Variants in PLXNC1 observed in about 807,000 individuals in gnomAD.
The protein encoded by PLXNC1 is plexin C1, also known as plexin-C1.
PLXNC1 carries 75 observed loss-of-function variants against 178.2 expected under a neutral mutation model. The observed-to-expected ratio is 0.42, with a 90% CI of 0.35 to 0.51. PLXNC1 has a LOEUF of 0.51. Among genes scored for constraint, PLXNC1 ranks in the 20% least tolerant of loss-of-function variants. The pLI is 0.02. For synonymous variants in PLXNC1, 790 were observed against 779.9 expected (o/e 1.01, Z -0.22); for missense variants, 1,503 against 1,984.4 (o/e 0.76, Z 4.61).
intron 15 of PLXNC1, among the ~76,000 whole-genome samples, chr12:94,253,791 G>A (rs1279461642): frequency 2.6e-5 from 4 of 151,366 alleles, no homozygotes; most frequent in African/African-American, 2.4e-5. Context: ...CTCCCACCTC[G>A]GCCTCCCAAG....
chr12:94,298,554 A>G (rs1968157841), intron 26 of PLXNC1, 78 bp from the exon 27 acceptor site: 3 of 1,151,084 alleles, frequency 2.6e-6, no homozygotes, highest in African/African-American at 3.1e-5. Context: ...CTGAATGTGG[A>G]TTTGCTTTTG....
chr12:94,181,691 C>T (rs912925260), intron 3 of PLXNC1, 111 bp downstream of exon 3: 1 of 959,960 alleles, frequency 1.0e-6, no homozygotes, highest in African/African-American at 1.7e-5. Context: ...TAAGCAGTGC[C>T]CCAGGCTTTG....
At chr12:94,195,771 G>T (rs919972186) in intron 4 of PLXNC1, among the ~76,000 whole-genome samples, 1 of 152,156 alleles carries the variant, frequency 6.6e-6, no homozygotes, top group African/African-American at 2.4e-5. Context: ...TTTCTCGCTC[G>T]GTCTAACAGC....
chr12:94,233,806 T>C (rs1168020460), intron 9 of PLXNC1, among the ~76,000 whole-genome samples: 1 of 152,194 alleles, frequency 6.6e-6, no homozygotes, highest in African/African-American at 2.4e-5. Flanking sequence ...CTCCTTTTAC[T>C]CTTTCCCATT....
intron 18 of PLXNC1, 62 bp from the exon 19 acceptor site, chr12:94,259,548 T>G: frequency 7.6e-7 from 1 of 1,324,478 alleles, no homozygotes; most frequent in Non-Finnish European, 1.0e-6. Context: ...GTGGGTCTAC[T>G]TTCTAACTTT....
chr12:94,227,328 C>T, intron 9 of PLXNC1, 93 bp downstream of exon 9: 1 of 690,990 alleles, frequency 1.4e-6, no homozygotes, highest in Non-Finnish European at 2.5e-6. Context: ...TAAAAAAATT[C>T]TCTATTTTAC....
At position 94,224,244 on chromosome 12, in the gene PLXNC1, C is replaced by T. The variant is rs138808353; in HGVS notation, c.1719C>T (p.Asn573=). ...RATYKDVSVV[N]VMFSFGSWNL... is the part of the protein sequence containing the mutation. ...TCCCTCCAGATGTTTCAGTTGTCAA[C>T]GTGATGTTCTCCTTCGGTTCTTGGA... Residue 573 remains asparagine, a synonymous_variant, in exon 7 of 31, where the codon AAC becomes AAT. Coordinates refer to ENST00000258526, the MANE Select transcript of PLXNC1 (RefSeq NM_005761.3). 410 of 1,600,122 alleles carry T rather than the reference C, an allele frequency of 2.6e-4. 1 individual carries two copies. Among genetic ancestry groups the T allele is most frequent in the Non-Finnish European group, 3.1e-4 (361 of 1,167,244 alleles).
At chr12:94,283,422 C>T (rs1207615818) in intron 23 of PLXNC1, among the ~76,000 whole-genome samples, 1 of 152,208 alleles carries the variant, frequency 6.6e-6, no homozygotes, top group African/African-American at 2.4e-5. Context: ...GAAGTACTTA[C>T]ACCACACCAG....
intron 9 of PLXNC1, among the ~76,000 whole-genome samples, chr12:94,229,292 T>G (rs372966083): frequency 6.6e-6 from 1 of 152,222 alleles, no homozygotes; most frequent in African/African-American, 2.4e-5. Context: ...TCTTTATGTA[T>G]TCTGGGTATC....
In PLXNC1 at chr12:94,181,543, T is replaced by G; in HGVS notation, c.1301T>G (p.Val434Gly). The G allele has an allele frequency of 6.2e-7, 1 of 1,609,172 alleles. No homozygotes were observed. The highest frequency in any genetic ancestry group is 1.1e-5 in the South Asian group (1 of 90,842). ...PVFYKLVPDP[V>G]KNIYIYLTAG... ...TTCTACAAACTCGTTCCTGATCCTG[T>G]GAAGAATATCTACATTTATCTAACA... is the stretch of plus-strand genomic sequence containing the variant. Residue 434 changes from valine (V) to glycine (G), a missense_variant, in exon 3 of 31, where the codon GTG becomes GGG. Val to Gly is a moderately radical substitution (Grantham distance 109, BLOSUM62 -3). This residue lies in a region of PLXNC1 where 615 missense variants were observed against 698.6 expected (regional missense o/e 0.88). Coordinates refer to ENST00000258526, the MANE Select transcript of PLXNC1 (RefSeq NM_005761.3).
chr12:94,277,542 C>T (rs966915469), intron 21 of PLXNC1, among the ~76,000 whole-genome samples: 1 of 152,188 alleles, frequency 6.6e-6, no homozygotes, highest in Non-Finnish European at 1.5e-5. Flanking sequence ...AAGCGACATA[C>T]ACAGAGGTTA....
chr12:94,235,396 T>C (rs17241291), intron 9 of PLXNC1, among the ~76,000 whole-genome samples: 2,284 of 152,292 alleles, frequency 0.015, 31 homozygotes, highest in Non-Finnish European at 0.023. Context: ...AGAAGAAGCA[T>C]TTACTTGGCA....
rs889242495 is a variant in PLXNC1 at position 94,306,947 on chromosome 12, T to A, written c.*1662T>A. 2.6e-5 allele frequency: 4 copies of A among 152,158 alleles called. No homozygotes were observed. Among genetic ancestry groups the A allele is most frequent in the African/African-American group, 4.8e-5 (2 of 41,440 alleles). 9.4% of individuals were successfully genotyped at this position (152,158 alleles called of 1,614,324 possible). On this transcript the variant is annotated 3_prime_UTR_variant, in exon 31 of 31. Transcript: ENST00000258526. ...ATAAAGGTGAGAGGTCTGGTCCCCA[T>A]TGAAGGCTGCTACAGTCTTCAAAGA... is the stretch of plus-strand genomic sequence containing the variant.
At chr12:94,226,505 C>G in intron 7 of PLXNC1, 100 bp from the exon 8 acceptor site, 5 of 594,694 alleles carry the variant, frequency 8.4e-6, no homozygotes, top group Admixed American at 3.4e-5. Flanking sequence ...TTTTTTTTTG[C>G]CTTCTTTTAA....
At chr12:94,207,209 T>C (rs1963326265) in intron 4 of PLXNC1, among the ~76,000 whole-genome samples, 1 of 152,124 alleles carries the variant, frequency 6.6e-6, no homozygotes, top group Non-Finnish European at 1.5e-5. Context: ...AGAATAGGAG[T>C]TCAGAGGTGG....
At chr12:94,267,321 C>T (rs1267269602) in intron 21 of PLXNC1, among the ~76,000 whole-genome samples, 1 of 152,198 alleles carries the variant, frequency 6.6e-6, no homozygotes, top group African/African-American at 2.4e-5. Context: ...TAATGCTTTA[C>T]ATCTGAACGT....
chr12:94,189,869 A>C (rs1358023732), intron 4 of PLXNC1, among the ~76,000 whole-genome samples: 1 of 152,142 alleles, frequency 6.6e-6, no homozygotes, highest in Admixed American at 6.5e-5. Context: ...TGGCTCCATC[A>C]TCTGTGTGGA....
intron 27 of PLXNC1, among the ~76,000 whole-genome samples, chr12:94,299,957 G>T (rs531296295): frequency 1.3e-5 from 2 of 152,138 alleles, no homozygotes; most frequent in South Asian, 4.1e-4. Flanking sequence ...TCTGAGCAGG[G>T]GCAGCAGCCA....
At chr12:94,251,717 G>C (rs569656116) in intron 15 of PLXNC1, among the ~76,000 whole-genome samples, 189 bp downstream of exon 15, 1 of 152,236 alleles carries the variant, frequency 6.6e-6, no homozygotes, top group Non-Finnish European at 1.5e-5. Context: ...TTGGCCAGGC[G>C]TGGTGGCTGA....
Sources: allele counts gnomAD v4.1 joint callset (sites outside exome capture counted in the v4.1 genomes callset), GRCh38; gene constraint gnomAD v4.1.1; regional missense constraint gnomAD v4.1.1; transcripts MANE v1.5; gene names NCBI Gene and HGNC (gene_info 2026-07-23, HGNC 2026-07-21).